PRRX2: variants seen among roughly 807,000 people sequenced by gnomAD.
The protein encoded by PRRX2 is paired mesoderm homeobox protein 2.
Under a neutral mutation model 18.0 loss-of-function variants are expected in PRRX2, and 11 were observed. The observed-to-expected ratio is 0.61, with a 90% confidence interval of 0.39 to 1.01. The LOEUF (loss-of-function observed/expected upper bound fraction) is 1.01, where lower values mean the gene tolerates loss of function less well. Among genes scored for constraint, PRRX2 ranks in the 50% least tolerant of loss-of-function variants. The probability of loss-of-function intolerance (pLI) is 0.01; values close to 1 mark genes in which losing one functional copy is unlikely to be tolerated. For missense variants in PRRX2, 387 were observed against 351.0 expected (o/e 1.10, Z -0.82); for synonymous variants, 177 against 154.8 (o/e 1.14, Z -1.06).
chr9:129,687,341 C>T (rs547609669), intron 1 of PRRX2, among the ~76,000 whole-genome samples: 10 of 152,252 alleles, frequency 6.6e-5, no homozygotes, highest in Admixed American at 2.6e-4. Flanking sequence ...GCGGGCCCCT[C>T]GGGGTTGGTG....
chr9:129,711,731 G>A (rs573155578), intron 1 of PRRX2, among the ~76,000 whole-genome samples: 38 of 151,992 alleles, frequency 2.5e-4, no homozygotes, highest in Non-Finnish European at 4.9e-4. Context: ...CTTGAGGCTG[G>A]GAGCGGTTAA....
intron 1 of PRRX2, among the ~76,000 whole-genome samples, chr9:129,672,579 G>A (rs1832112542): frequency 6.6e-6 from 1 of 152,086 alleles, no homozygotes; most frequent in Non-Finnish European, 1.5e-5. Context: ...TGCATTCAGG[G>A]GCCGTGAGGT....
chr9:129,687,523 ACTTG>A (rs1487793702), intron 1 of PRRX2, among the ~76,000 whole-genome samples: 7 of 152,168 alleles, frequency 4.6e-5, no homozygotes, highest in African/African-American at 1.7e-4. Flanking sequence ...CACTAACTCA[ACTTG>A]CTTGCGCTGT....
chr9:129,711,931 G>A (rs939708260), intron 1 of PRRX2, among the ~76,000 whole-genome samples: 5 of 152,176 alleles, frequency 3.3e-5, no homozygotes, highest in Admixed American at 2.0e-4. Flanking sequence ...TAAGGATGTG[G>A]TTTCAGAGTT....
intron 1 of PRRX2, among the ~76,000 whole-genome samples, chr9:129,677,958 CTTTTTT>C (rs760645440): frequency 3.1e-4 from 35 of 113,116 alleles, no homozygotes; most frequent in Non-Finnish European, 4.1e-4. Context: ...TTCTTTCTTT[CTTTTTT>C]TTTTTTTTTT....
intron 1 of PRRX2, among the ~76,000 whole-genome samples, chr9:129,717,528 TC>T (rs1164796056): frequency 1.3e-5 from 2 of 151,720 alleles, no homozygotes; most frequent in East Asian, 3.9e-4. Context: ...AAACTCTGTT[TC>T]TACTAAAAAT....
intron 3 of PRRX2, among the ~76,000 whole-genome samples, chr9:129,721,725 G>A (rs1256192471): frequency 1.3e-5 from 2 of 152,098 alleles, no homozygotes; most frequent in East Asian, 1.9e-4. Context: ...GATTACAAAC[G>A]CCCGTCACCA....
At chr9:129,696,312 C>A (rs753462932) in intron 1 of PRRX2, among the ~76,000 whole-genome samples, 10 of 152,156 alleles carry the variant, frequency 6.6e-5, no homozygotes, top group Non-Finnish European at 8.8e-5. Flanking sequence ...CGGTGGCTCA[C>A]GCCTGGAATC....
intron 1 of PRRX2, among the ~76,000 whole-genome samples, chr9:129,698,731 A>G (rs114979789): frequency 1.1e-3 from 165 of 152,298 alleles, no homozygotes; most frequent in African/African-American, 3.8e-3. Flanking sequence ...CTGAGGCCCT[A>G]TGGGCCCACT....
chr9:129,667,369 T>G (rs1351440526), intron 1 of PRRX2, among the ~76,000 whole-genome samples: 1 of 152,202 alleles, frequency 6.6e-6, no homozygotes, highest in African/African-American at 2.4e-5. Context: ...CTCTGGTTTG[T>G]GCTGGGGGAA....
Position 129,665,968 on chromosome 9 carries a change from C to A in PRRX2, c.101C>A (p.Ala34Glu), listed in dbSNP as rs946824103. 13 of 1,141,184 alleles carry A rather than the reference C, an allele frequency of 1.1e-5. No homozygotes were observed. The highest frequency in any genetic ancestry group is 1.3e-5 in the Non-Finnish European group (12 of 923,860). The allele number at this position is 1,141,184 out of a possible 1,614,324, so 70.7% of individuals were successfully genotyped here. The part of the protein sequence containing the change: ...PALGPGDCAQ[A>E]RKNFSVSHLL... ...CTGGGGCCCGGCGACTGCGCCCAGGCGCGCAAGAACTTCTCGGTGAGCCAC... is the reference window on the plus strand; with the variant it reads ...CTGGGGCCCGGCGACTGCGCCCAGGAGCGCAAGAACTTCTCGGTGAGCCAC... The change falls in exon 1 of 4, where the codon GCG becomes GAG. Residue 34 changes from alanine (A) to glutamate (E), a missense_variant. Ala to Glu is a moderately radical substitution (Grantham distance 107). Transcript: ENST00000372469. The surrounding 1 kb of genome is among the most constrained non-coding windows in gnomAD (Gnocchi z 5.3).
chr9:129,719,545 G>A, intron 2 of PRRX2, 127 bp downstream of exon 2: 1 of 1,223,842 alleles, frequency 8.2e-7, no homozygotes, highest in South Asian at 1.8e-5. Context: ...CAGGAGGACG[G>A]GGGTTCAGAT....
chr9:129,665,723 C>A lies in PRRX2; in HGVS notation c.-145C>A. 5.5e-6 allele frequency: 3 copies of A among 542,736 alleles called. No homozygotes were observed. Among genetic ancestry groups the A allele is most frequent in the Non-Finnish European group, 7.1e-6 (3 of 422,582 alleles). The allele number at this position is 542,736 out of a possible 1,614,324, so 33.6% of individuals were successfully genotyped here. Reference sequence around the variant, plus strand: ...GGAAAGTTTGTTTCCCCGACGTCAGCGCCGGGCGGGCCGCGAGGCTAGGAG... The same window carrying A: ...GGAAAGTTTGTTTCCCCGACGTCAGAGCCGGGCGGGCCGCGAGGCTAGGAG... On this transcript the variant is annotated 5_prime_UTR_variant, in exon 1 of 4. Transcript: ENST00000372469. The surrounding 1 kb of genome is among the most constrained non-coding windows in gnomAD (Gnocchi z 5.3).
At position 129,710,874 on chromosome 9, in the gene PRRX2, C is replaced by T. The variant is rs78496250; in HGVS notation, c.260-8357C>T. The stretch of plus-strand genomic sequence containing the variant: ...GGCCCCAGGGACCATGTTTCTTCTC[C>T]TCTATCCTCCCTTCTCCCCTTCCTT... On this transcript the variant is annotated intron_variant, in intron 1 of 3. Coordinates refer to ENST00000372469, the MANE Select transcript of PRRX2 (RefSeq NM_016307.4). Among the ~76,000 whole-genome samples, 1,049 of 152,200 alleles carry T rather than the reference C, an allele frequency of 6.9e-3. 14 individuals carry two copies. Among genetic ancestry groups the T allele is most frequent in the African/African-American group, 0.023 (975 of 41,518 alleles).
At chr9:129,674,355 C>A (rs1276441726) in intron 1 of PRRX2, among the ~76,000 whole-genome samples, 3 of 152,164 alleles carry the variant, frequency 2.0e-5, no homozygotes, top group African/African-American at 7.2e-5. Flanking sequence ...TGGTTTATCT[C>A]TGTGATTGAT....
chr9:129,714,192 C>T (rs570162699), intron 1 of PRRX2, among the ~76,000 whole-genome samples: 1 of 151,792 alleles, frequency 6.6e-6, no homozygotes, highest in South Asian at 2.1e-4. Context: ...GTAATCCCAG[C>T]TACTCGAGAG....
chr9:129,688,968 G>C (rs1472655299), intron 1 of PRRX2, among the ~76,000 whole-genome samples: 1 of 152,226 alleles, frequency 6.6e-6, no homozygotes, highest in Non-Finnish European at 1.5e-5. Flanking sequence ...GAATCATACA[G>C]AATAGAATCT....
At chr9:129,702,322 C>T (rs1020221585) in intron 1 of PRRX2, among the ~76,000 whole-genome samples, 2 of 151,236 alleles carry the variant, frequency 1.3e-5, no homozygotes, top group African/African-American at 4.9e-5. Flanking sequence ...GGCGTGAACC[C>T]GGGAGGCGGA....
intron 1 of PRRX2, among the ~76,000 whole-genome samples, chr9:129,670,898 G>T (rs377587025): frequency 2.0e-5 from 3 of 152,182 alleles, no homozygotes; most frequent in Middle Eastern, 6.8e-3. Context: ...CTATTTCCTG[G>T]GACAAGGGGA....
Sources: allele counts gnomAD v4.1 joint callset (sites outside exome capture counted in the v4.1 genomes callset), GRCh38; gene constraint gnomAD v4.1.1; non-coding constraint Gnocchi (gnomAD v3.1); transcripts MANE v1.5; gene names NCBI Gene and HGNC (gene_info 2026-07-23, HGNC 2026-07-21).